CACNA1B: variants seen among roughly 807,000 people sequenced by gnomAD.
CACNA1B encodes voltage-dependent N-type calcium channel subunit alpha-1B.
A neutral mutation model predicts 247.2 loss-of-function variants in CACNA1B; 70 were observed. The ratio of observed to expected loss-of-function variants is 0.28; its 90% CI spans 0.23 to 0.35. The LOEUF is 0.35. Among genes scored for constraint, CACNA1B ranks in the 10% least tolerant of loss-of-function variants. The probability of loss-of-function intolerance (pLI) is 1.00; values close to 1 mark genes in which losing one functional copy is unlikely to be tolerated. For missense variants in CACNA1B, 2,367 were observed against 3,197.4 expected (o/e 0.74, Z 6.26); for synonymous variants, 1,231 against 1,294.4 (o/e 0.95, Z 1.05).
intron 36 of CACNA1B, among the ~76,000 whole-genome samples, chr9:138,095,098 A>G (rs1412927762): frequency 1.3e-5 from 2 of 152,268 alleles, no homozygotes; most frequent in Non-Finnish European, 2.9e-5. Context: ...AACCAAAGAA[A>G]AAATAGATAA....
Position 138,118,733 on chromosome 9 carries a change from G to T in CACNA1B, c.5995G>T (p.Ala1999Ser). The change falls in exon 44 of 47, where the codon GCG becomes TCG. Residue 1999 changes from alanine (A) to serine (S), a missense_variant. Ala to Ser is a moderately conservative substitution (Grantham distance 99). Coordinates refer to ENST00000371372, the MANE Select transcript of CACNA1B (RefSeq NM_000718.4). ...GCCTGGGCTGGAGAGCCAGGGTCGA[G>T]CGGCCTCCATGCCCCGCCTTGCGGC... ...PQPGLESQGR[A>S]ASMPRLAAET... 1 of 1,548,460 alleles carries T rather than the reference G, an allele frequency of 6.5e-7. No homozygotes were observed.
intron 3 of CACNA1B, among the ~76,000 whole-genome samples, chr9:137,895,242 G>A (rs1414743371): frequency 1.3e-5 from 2 of 152,150 alleles, no homozygotes; most frequent in Non-Finnish European, 2.9e-5. Context: ...GATCACGGTA[G>A]TTATGTAATA....
intron 12 of CACNA1B, among the ~76,000 whole-genome samples, chr9:137,978,969 C>T (rs1349475365): frequency 6.6e-6 from 1 of 152,182 alleles, no homozygotes; most frequent in African/African-American, 2.4e-5. Context: ...ACCCTTCTTA[C>T]CCTTTGACTT....
chr9:138,093,101 T>A (rs1308392608), intron 36 of CACNA1B, among the ~76,000 whole-genome samples: 2 of 152,044 alleles, frequency 1.3e-5, no homozygotes, highest in Non-Finnish European at 2.9e-5. Context: ...GAATTGGTAT[T>A]ACTAAAGAAA....
Position 137,879,132 on chromosome 9 carries a change from G to A in CACNA1B, c.363G>A (p.Gly121=), listed in dbSNP as rs753118585. The change falls in exon 2 of 47, where the codon GGG becomes GGA. Residue 121 remains glycine, a synonymous_variant. Transcript: ENST00000371372. ...CCCTGGAGCAGCACCTCCCTGATGGGGACAAAACGCCCATGTCCGAGCGGC... is the reference window on the plus strand; with the variant it reads ...CCCTGGAGCAGCACCTCCCTGATGGAGACAAAACGCCCATGTCCGAGCGGC... ...VLALEQHLPD[G]DKTPMSERLD... The A allele has an allele frequency of 6.2e-7, 1 of 1,611,564 alleles. No homozygotes were observed. Among genetic ancestry groups the A allele is most frequent in the Non-Finnish European group, 8.5e-7 (1 of 1,179,202 alleles).
intron 25 of CACNA1B, 40 bp from the exon 26 acceptor site, chr9:138,053,806 A>C: frequency 6.7e-7 from 1 of 1,491,986 alleles, no homozygotes; most frequent in Non-Finnish European, 9.2e-7. Context: ...TCCCACCATG[A>C]TTCCACCCCC....
At position 138,012,801 on chromosome 9, in the gene CACNA1B, G is replaced by A. The variant is rs1007038799; in HGVS notation, c.2161-328G>A. Among the ~76,000 whole-genome samples, 23 of 152,032 alleles carry A rather than the reference G, an allele frequency of 1.5e-4. No homozygotes were observed. The highest frequency in any genetic ancestry group is 5.3e-4 in the African/African-American group (22 of 41,372). On this transcript the variant is annotated intron_variant, in intron 17 of 46. Transcript: ENST00000371372. The surrounding 1 kb of genome is among the most constrained non-coding windows in gnomAD (Gnocchi z 4.2). The stretch of plus-strand genomic sequence containing the variant: ...CTGGGTACCTGGGTTAGAGCTCAGA[G>A]TAAGGTCAGGATAGCACAGAGGTGA...
intron 37 of CACNA1B, among the ~76,000 whole-genome samples, chr9:138,098,529 G>A (rs142640745): frequency 4.6e-5 from 7 of 152,298 alleles, no homozygotes; most frequent in Non-Finnish European, 1.0e-4. Flanking sequence ...AGGCCTGTGA[G>A]AGGATGACAA....
rs1957921628 is a variant in CACNA1B at position 137,954,560 on chromosome 9, C to T, written c.1071-1138C>T. Among the ~76,000 whole-genome samples the T allele has an allele frequency of 6.6e-6, 1 of 152,146 alleles. No individual in the cohort carries two copies. On this transcript the variant is annotated intron_variant, in intron 7 of 46. Coordinates refer to ENST00000371372, the MANE Select transcript of CACNA1B (RefSeq NM_000718.4). The surrounding 1 kb of genome is among the most constrained non-coding windows in gnomAD (Gnocchi z 4.1). ...CAGTTCAAGCAGTGATGTCCTTGCC[C>T]TTCCCCTGCCCCCCAGGCCCTCTCA...
At chr9:137,981,508 GCT>G (rs1298237558) in intron 12 of CACNA1B, among the ~76,000 whole-genome samples, 1 of 152,082 alleles carries the variant, frequency 6.6e-6, no homozygotes, top group Non-Finnish European at 1.5e-5. Flanking sequence ...TGTGTGTCTC[GCT>G]CTGTTGCCCA....
rs199718663 is a variant in CACNA1B at position 137,975,914 on chromosome 9, A to G, written c.1551A>G (p.Ala517=). 2.9e-4 allele frequency: 466 copies of G among 1,606,698 alleles called. 1 individual carries two copies. Among genetic ancestry groups the G allele is most frequent in the Non-Finnish European group, 3.7e-4 (439 of 1,173,546 alleles). ...TTCTCCGGCTTCTCCTAGATTTTGC[A>G]GAGTTTGTTTTCCTGGGTCTCTTCC... ...PRRLTTTLYF[A]EFVFLGLFLT... Residue 517 remains alanine, a synonymous_variant, in exon 12 of 47, where the codon GCA becomes GCG. Coordinates refer to ENST00000371372, the MANE Select transcript of CACNA1B (RefSeq NM_000718.4).
At chr9:137,902,702 C>T (rs1957252558) in intron 3 of CACNA1B, among the ~76,000 whole-genome samples, 2 of 152,198 alleles carry the variant, frequency 1.3e-5, no homozygotes, top group South Asian at 4.1e-4. Context: ...TCCTTCCAAG[C>T]TTTTTCGGTG....
intron 6 of CACNA1B, among the ~76,000 whole-genome samples, chr9:137,944,985 C>T (rs1428760894): frequency 6.6e-6 from 1 of 152,146 alleles, no homozygotes. Context: ...CTTTTCAGGG[C>T]AGGTTCCAGG....
chr9:138,032,348 A>G (rs1438960372), intron 20 of CACNA1B, among the ~76,000 whole-genome samples: 2 of 152,010 alleles, frequency 1.3e-5, no homozygotes, highest in Admixed American at 6.5e-5. Context: ...TAGCTCTTCT[A>G]TGTACTTTTA....
chr9:138,093,000 A>T (rs999539633), intron 36 of CACNA1B, among the ~76,000 whole-genome samples: 1 of 152,228 alleles, frequency 6.6e-6, no homozygotes, highest in East Asian at 1.9e-4. Context: ...AAATACAATG[A>T]CCAATAAGCA....
chr9:138,044,679 C>G (rs1314310510), intron 21 of CACNA1B, among the ~76,000 whole-genome samples: 1 of 152,206 alleles, frequency 6.6e-6, no homozygotes, highest in African/African-American at 2.4e-5. Flanking sequence ...GCTTGCCCGG[C>G]CAGAGCAGGG....
In CACNA1B at chr9:137,973,039, T is replaced by C. The variant is rs778909443; in HGVS notation, c.1543+1447T>C. On this transcript the variant is annotated intron_variant, in intron 11 of 46. Coordinates refer to ENST00000371372, the MANE Select transcript of CACNA1B (RefSeq NM_000718.4). The surrounding 1 kb of genome is among the most constrained non-coding windows in gnomAD (Gnocchi z 4.1). ...GACCAAGGACTTCCTCCTGACCCAG[T>C]GACTAGGCCTGTTCTTCCCCGTGAG... Among the ~76,000 whole-genome samples the C allele has an allele frequency of 6.6e-6, 1 of 152,196 alleles. No homozygotes were observed. The highest frequency in any genetic ancestry group is 1.5e-5 in the Non-Finnish European group (1 of 68,032).
chr9:138,094,794 A>T (rs1257307289), intron 36 of CACNA1B, among the ~76,000 whole-genome samples: 1 of 152,238 alleles, frequency 6.6e-6, no homozygotes, highest in East Asian at 1.9e-4. Flanking sequence ...ATCTGTGTTC[A>T]ATTGACTTTT....
intron 20 of CACNA1B, among the ~76,000 whole-genome samples, chr9:138,025,826 G>T (rs1209187058): frequency 6.6e-6 from 1 of 152,176 alleles, no homozygotes; most frequent in Non-Finnish European, 1.5e-5. Flanking sequence ...ACAAATACAG[G>T]CCCCTTACGT....
Sources: gnomAD v4.1 joint callset for allele counts (sites outside exome capture counted in the v4.1 genomes callset) on GRCh38, gnomAD v4.1.1 for gene constraint, Gnocchi (gnomAD v3.1) non-coding constraint, MANE v1.5 for transcripts, NCBI Gene and HGNC (gene_info 2026-07-23, HGNC 2026-07-21) for gene names.